The following CSMD2 variants were observed in gnomAD, a reference collection of about 807,000 sequenced individuals.
CSMD2 encodes the protein CUB and sushi domain-containing protein 2.
In CSMD2, 130 loss-of-function variants were observed where a neutral mutation model predicts 398.5. The observed-to-expected ratio is 0.33, with a 90% CI of 0.28 to 0.38. CSMD2 has a LOEUF of 0.38. Among genes scored for constraint, CSMD2 ranks in the 10% least tolerant of loss-of-function variants. The pLI is 1.00. For missense variants in CSMD2, 3,829 were observed against 4,764.9 expected, an observed-to-expected ratio of 0.80 and a Z score of 5.78; for synonymous variants, 1,828 against 1,908.5, an observed-to-expected ratio of 0.96 and a Z score of 1.10.
In CSMD2 at chr1:33,949,742, T is replaced by C. The variant is rs1339970034; in HGVS notation, c.518-13788A>G. On this transcript the variant is annotated intron_variant, in intron 3 of 70. Coordinates refer to ENST00000373381, the MANE Select transcript of CSMD2 (RefSeq NM_001281956.2). The stretch of plus-strand genomic sequence containing the variant: ...TGTTCCAGAGACAAGAAGTGGCACA[T>C]GGCCAAGAGTACAGAAGCCCCCACT... Among the ~76,000 whole-genome samples, 6 of 152,292 alleles carry C rather than the reference T, an allele frequency of 3.9e-5. 1 individual carries two copies. In the East Asian group the frequency reaches 1.2e-3, roughly 29 times the overall value.
Position 33,521,549 on chromosome 1 carries a change from A to G in CSMD2, c.10511T>C (p.Val3504Ala). ...KDDHWALDGH[V>A]SSESSGATFI... The stretch of plus-strand genomic sequence containing the variant: ...GGTGGCTCCGGAGGACTCTGACGAG[A>G]CCTGTGATGGTGGGGAGCACAGAGA... Residue 3504 changes from valine to alanine, a missense_variant and splice_region_variant, in exon 68 of 71, where the codon GTC becomes GCC. Physicochemically the swap from Val to Ala is moderately conservative, Grantham distance 64 (BLOSUM62 0). Around this residue, in one of 5 missense-constraint regions of CSMD2, gnomAD observed 917 missense variants for 1,199.5 expected, o/e 0.76. Coordinates refer to ENST00000373381, the MANE Select transcript of CSMD2 (RefSeq NM_001281956.2). 6.2e-7 allele frequency: 1 copy of G among 1,603,148 alleles called. No individual in the cohort carries two copies. Among genetic ancestry groups the G allele is most frequent in the Non-Finnish European group, 8.5e-7 (1 of 1,170,028 alleles).
Position 34,088,977 on chromosome 1 carries a change from C to G in CSMD2, c.404G>C (p.Arg135Thr), listed in dbSNP as rs778747467. The change falls in exon 2 of 71, where the codon AGG becomes ACG. Residue 135 changes from arginine (R) to threonine (T), a missense_variant and splice_region_variant. Transcript: ENST00000373381. ...ACAGGGAAGGTGGGCAGCATGGTAC[C>G]TCGTACGCAGATTCTCTGGCTGGGG... ...GPPQPENLRT[R>T]LTGFQLPATI... is the part of the protein sequence containing the mutation. 6.2e-7 allele frequency: 1 copy of G among 1,612,714 alleles called. No homozygotes were observed. The highest frequency in any genetic ancestry group is 1.3e-5 in the African/African-American group (1 of 74,900).
rs747850295 is a variant in CSMD2, at chr1:34,114,706, A to AT, written c.188-25514_188-25513insA. On this transcript the variant is annotated intron_variant, in intron 1 of 70. Coordinates refer to ENST00000373381, the MANE Select transcript of CSMD2 (RefSeq NM_001281956.2). ...GGATGAGACCCTGTCTCAAAAAAAA[A>AT]GGAAGGGTGGTGTACATAATAAATC... Among the ~76,000 whole-genome samples the AT allele has an allele frequency of 4.6e-5, 7 of 152,212 alleles. No homozygotes were observed. The East Asian group carries it at 7.7e-4, about 17-fold the overall frequency.
At chr1:33,953,191 T>A (rs1438015270) in intron 3 of CSMD2, among the ~76,000 whole-genome samples, 1 of 152,198 alleles carries the variant, frequency 6.6e-6, no homozygotes, top group African/African-American at 2.4e-5. Flanking sequence ...ATTGGCTGGA[T>A]GTTGTTGATC....
chr1:33,741,643 C>T lies in CSMD2; in HGVS notation c.2173+1637G>A, dbSNP rs1187062828. Among the ~76,000 whole-genome samples, 3 of 152,182 alleles carry T rather than the reference C, an allele frequency of 2.0e-5. 1 individual carries two copies. Among genetic ancestry groups the T allele is most frequent in the Admixed American group, 2.0e-4 (3 of 15,280 alleles). On this transcript the variant is annotated intron_variant, in intron 14 of 70. Transcript: ENST00000373381. Reference sequence around the variant, plus strand: ...TAGTGGTTAACATCTCTCCTTTGACCTCTCCCATTTTTTGAGTATTTACAG... The same window carrying T: ...TAGTGGTTAACATCTCTCCTTTGACTTCTCCCATTTTTTGAGTATTTACAG...
chr1:33,695,784 C>T (rs1645402405), intron 24 of CSMD2, among the ~76,000 whole-genome samples: 1 of 152,204 alleles, frequency 6.6e-6, no homozygotes, highest in Admixed American at 6.5e-5. Flanking sequence ...CTCCCTTTGG[C>T]CTCCGTGAAC....
chr1:33,701,475 G>A lies in CSMD2; in HGVS notation c.3577-802C>T, dbSNP rs182308263. 3.7e-4 allele frequency among the ~76,000 whole-genome samples: 57 copies of A among 152,352 alleles called. 1 individual carries two copies. The highest frequency in any genetic ancestry group is 1.3e-3 in the Admixed American group (20 of 15,298). On this transcript the variant is annotated intron_variant, in intron 22 of 70. Transcript: ENST00000373381. The stretch of plus-strand genomic sequence containing the variant: ...CAACAGAAGTTGTGATTGAGTGAAA[G>A]ACCCCCTGGTGCTTTTGTAAATATC...
intron 56 of CSMD2, among the ~76,000 whole-genome samples, chr1:33,546,465 C>T (rs1451341477): frequency 6.6e-6 from 1 of 152,164 alleles, no homozygotes; most frequent in Non-Finnish European, 1.5e-5. Flanking sequence ...AGAGGAAAGG[C>T]TCTGTGGCCC....
At chr1:34,077,370 T>C (rs1267384291) in intron 2 of CSMD2, among the ~76,000 whole-genome samples, 2 of 131,660 alleles carry the variant, frequency 1.5e-5, no homozygotes, top group African/African-American at 3.0e-5. Context: ...GGCAGGAGAA[T>C]GGCGTGAACC....
intron 54 of CSMD2, 50 bp from the exon 55 acceptor site, chr1:33,557,972 A>G (rs1658192809): frequency 6.7e-7 from 1 of 1,490,618 alleles, no homozygotes; most frequent in South Asian, 1.2e-5. Context: ...GTATAGTAAA[A>G]TCTTCCGAGC....
At chr1:33,637,758 G>T (rs1417591861) in intron 29 of CSMD2, among the ~76,000 whole-genome samples, 5 of 152,256 alleles carry the variant, frequency 3.3e-5, no homozygotes, top group African/African-American at 1.2e-4. Flanking sequence ...GTCTAGAGAT[G>T]GGGACTCACA....
intron 53 of CSMD2, among the ~76,000 whole-genome samples, chr1:33,561,354 C>G (rs1658525837): frequency 6.6e-6 from 1 of 152,204 alleles, no homozygotes; most frequent in African/African-American, 2.4e-5. Flanking sequence ...TTCGGCTCAG[C>G]TCTGCCCCTT....
chr1:33,936,490 G>T (rs1282238794), intron 3 of CSMD2, among the ~76,000 whole-genome samples: 2 of 152,216 alleles, frequency 1.3e-5, no homozygotes, highest in African/African-American at 4.8e-5. Context: ...GGCAGAATAG[G>T]CAGTGAAGTG....
At chr1:34,012,446 A>AT (rs981900153) in intron 3 of CSMD2, among the ~76,000 whole-genome samples, 15 of 148,944 alleles carry the variant, frequency 1.0e-4, no homozygotes, top group South Asian at 2.1e-4. Flanking sequence ...TAACTTGTCT[A>AT]TTTTTTTTTT....
At chr1:34,119,424 C>G (rs1571180519) in intron 1 of CSMD2, among the ~76,000 whole-genome samples, 1 of 152,102 alleles carries the variant, frequency 6.6e-6, no homozygotes, top group Non-Finnish European at 1.5e-5. Context: ...ACAAACGAAA[C>G]TACATCAAAC....
At chr1:33,719,007 A>G (rs1220262131) in intron 19 of CSMD2, among the ~76,000 whole-genome samples, 1 of 152,188 alleles carries the variant, frequency 6.6e-6, no homozygotes, top group Non-Finnish European at 1.5e-5. Flanking sequence ...AAGCACTGAG[A>G]AAGATCTCCC....
intron 53 of CSMD2, among the ~76,000 whole-genome samples, chr1:33,564,469 G>A (rs916229919): frequency 5.3e-5 from 8 of 152,042 alleles, no homozygotes; most frequent in Non-Finnish European, 1.2e-4. Flanking sequence ...TGTATACATC[G>A]TGCACCAATT....
intron 44 of CSMD2, among the ~76,000 whole-genome samples, chr1:33,597,056 G>GT (rs199854139): frequency 3.3e-5 from 5 of 149,616 alleles, no homozygotes; most frequent in East Asian, 2.0e-4. Flanking sequence ...CCTAAACCAT[G>GT]TTTTTTTTTC....
At chr1:33,652,846 C>T (rs1398117463) in intron 27 of CSMD2, among the ~76,000 whole-genome samples, 5 of 152,212 alleles carry the variant, frequency 3.3e-5, no homozygotes, top group Non-Finnish European at 7.3e-5. Context: ...GCTCCGCCTC[C>T]CAGGTTCACA....
Sources: allele counts gnomAD v4.1 joint callset (sites outside exome capture counted in the v4.1 genomes callset), GRCh38; gene constraint gnomAD v4.1.1; regional missense constraint gnomAD v4.1.1; transcripts MANE v1.5; gene names NCBI Gene and HGNC (gene_info 2026-07-23, HGNC 2026-07-21).